JAZF1: variants seen among roughly 807,000 people sequenced by gnomAD.
JAZF1 encodes the protein JAZF zinc finger 1.
In JAZF1, 8 loss-of-function variants were observed where a neutral mutation model predicts 26.4. The observed-to-expected ratio is 0.30, with a 90% CI of 0.18 to 0.55. JAZF1 has a LOEUF of 0.55. Among genes scored for constraint, JAZF1 ranks in the 20% least tolerant of loss-of-function variants. The pLI is 0.94. For synonymous variants in JAZF1, 126 were observed against 122.3 expected (o/e 1.03, Z -0.20); for missense variants, 199 against 322.0 (o/e 0.62, Z 2.92).
intron 1 of JAZF1, among the ~76,000 whole-genome samples, chr7:28,090,130 A>G (rs1203313462): frequency 2.0e-5 from 3 of 152,256 alleles, no homozygotes; most frequent in Admixed American, 6.5e-5. Context: ...CAAGTTACTC[A>G]ACCTCTTTAA....
At chr7:27,910,337 A>G (rs1399455101) in intron 2 of JAZF1, among the ~76,000 whole-genome samples, 2 of 152,136 alleles carry the variant, frequency 1.3e-5, no homozygotes, top group African/African-American at 2.4e-5. Context: ...AGCCTGCACA[A>G]ATTTATGGGT....
chr7:27,871,120 T>C (rs1783574083), intron 3 of JAZF1, among the ~76,000 whole-genome samples: 1 of 152,052 alleles, frequency 6.6e-6, no homozygotes, highest in Non-Finnish European at 1.5e-5. Flanking sequence ...AAAGGAGAGA[T>C]TTTCCAATTC....
At chr7:27,921,305 G>C (rs999962056) in intron 2 of JAZF1, among the ~76,000 whole-genome samples, 2 of 151,764 alleles carry the variant, frequency 1.3e-5, no homozygotes, top group Non-Finnish European at 2.9e-5. Flanking sequence ...TAAAGCCTCT[G>C]GGCTTCCCCT....
intron 2 of JAZF1, among the ~76,000 whole-genome samples, chr7:27,975,783 T>C (rs1338246587): frequency 1.3e-5 from 2 of 152,236 alleles, no homozygotes; most frequent in African/African-American, 2.4e-5. Context: ...TCATAAATAC[T>C]GATGAGTGGA....
intron 1 of JAZF1, among the ~76,000 whole-genome samples, chr7:28,171,687 A>G (rs577201339): frequency 1.3e-5 from 2 of 151,790 alleles, no homozygotes; most frequent in South Asian, 2.1e-4. Context: ...CAATATAAAC[A>G]AACACTCTAG....
chr7:27,981,766 C>T (rs907800611), intron 2 of JAZF1, among the ~76,000 whole-genome samples: 3 of 152,190 alleles, frequency 2.0e-5, no homozygotes, highest in African/African-American at 7.2e-5. Flanking sequence ...AAATTACTCA[C>T]TTTCTCCGAG....
chr7:27,914,743 A>T, intron 2 of JAZF1: 1 of 471,142 alleles, frequency 2.1e-6, no homozygotes, highest in Admixed American at 2.3e-5. Flanking sequence ...TCATTTCCAC[A>T]CAGGGGCCTC....
chr7:27,884,815 C>A (rs553131942), intron 3 of JAZF1, among the ~76,000 whole-genome samples: 1 of 152,284 alleles, frequency 6.6e-6, no homozygotes, highest in East Asian at 1.9e-4. Flanking sequence ...ATCCTTGTAT[C>A]CGTCTTTTGT....
chr7:28,095,901 C>G (rs1784375976), intron 1 of JAZF1, among the ~76,000 whole-genome samples: 1 of 152,246 alleles, frequency 6.6e-6, no homozygotes, highest in African/African-American at 2.4e-5. Context: ...GGCCCTCTTG[C>G]TGTGTCCTCA....
At chr7:28,015,706 ATGT>A (rs1392534398) in intron 1 of JAZF1, among the ~76,000 whole-genome samples, 2 of 152,188 alleles carry the variant, frequency 1.3e-5, no homozygotes, top group African/African-American at 2.4e-5. Flanking sequence ...AAGGACTGGC[ATGT>A]GTTTAGATAA....
chr7:27,959,842 G>T (rs1288984502), intron 2 of JAZF1, among the ~76,000 whole-genome samples: 1 of 151,978 alleles, frequency 6.6e-6, no homozygotes, highest in Non-Finnish European at 1.5e-5. Flanking sequence ...GGAGGTTGCA[G>T]TGAGCCGAGA....
rs77971924 is a variant in JAZF1 at position 28,093,670 on chromosome 7, C to T, written c.115+86793G>A. ...AAATCCAGTCAGCTCTCTCAGGCGG[C>T]GCGTTCACTGGGTTGTTTTGCCCAT... On this transcript the variant is annotated intron_variant, in intron 1 of 4. Coordinates refer to ENST00000283928, the MANE Select transcript of JAZF1 (RefSeq NM_175061.4). 0.019 allele frequency among the ~76,000 whole-genome samples: 2,908 copies of T among 152,264 alleles called. 212 individuals are homozygous for T. In the East Asian group the frequency reaches 0.26, roughly 14 times the overall value.
intron 3 of JAZF1, chr7:27,863,937 A>G (rs1783424855): frequency 6.6e-6 from 1 of 152,238 alleles, no homozygotes; most frequent in Admixed American, 6.5e-5. Context: ...GAAACTCACA[A>G]GTTGATGGAA....
At chr7:28,020,031 CAT>C (rs1266902431) in intron 1 of JAZF1, among the ~76,000 whole-genome samples, 1 of 152,172 alleles carries the variant, frequency 6.6e-6, no homozygotes, top group Non-Finnish European at 1.5e-5. Context: ...TCAACAGACA[CAT>C]GTTCTGCCCT....
At chr7:27,918,077 T>C (rs572988653) in intron 2 of JAZF1, among the ~76,000 whole-genome samples, 2 of 152,250 alleles carry the variant, frequency 1.3e-5, no homozygotes, top group Non-Finnish European at 2.9e-5. Context: ...TCAGACTAGG[T>C]TCCTGAGTGA....
chr7:28,103,029 G>C (rs954538459), intron 1 of JAZF1, among the ~76,000 whole-genome samples: 1 of 152,100 alleles, frequency 6.6e-6, no homozygotes, highest in South Asian at 2.1e-4. Context: ...GCTTACGACC[G>C]ATTGATGTAA....
At chr7:28,015,034 T>TGTGA (rs3073765) in intron 1 of JAZF1, among the ~76,000 whole-genome samples, 2 of 16,382 alleles carry the variant, frequency 1.2e-4, no homozygotes, top group Non-Finnish European at 3.5e-4. Context: ...AAAGTGTGTA[T>TGTGA]GTGTGTGTGT....
At chr7:27,932,432 A>G (rs1784700474) in intron 2 of JAZF1, among the ~76,000 whole-genome samples, 1 of 152,204 alleles carries the variant, frequency 6.6e-6, no homozygotes, top group African/African-American at 2.4e-5. Flanking sequence ...TTGGTATGTA[A>G]AGCCACAGAC....
At chr7:28,034,772 A>T (rs577928917) in intron 1 of JAZF1, among the ~76,000 whole-genome samples, 21 of 152,332 alleles carry the variant, frequency 1.4e-4, no homozygotes, top group African/African-American at 5.1e-4. Context: ...TGACACCATC[A>T]TCCTCTTAAC....
Sources: gnomAD v4.1 joint callset for allele counts (sites outside exome capture counted in the v4.1 genomes callset) on GRCh38, gnomAD v4.1.1 for gene constraint, MANE v1.5 for transcripts, NCBI Gene and HGNC (gene_info 2026-07-23, HGNC 2026-07-21) for gene names.